The following SYT2 variants were observed in gnomAD, a reference collection of about 807,000 sequenced individuals.
SYT2 encodes synaptotagmin 2, also known as synaptotagmin-2.
Under a neutral mutation model 39.9 loss-of-function variants are expected in SYT2, and 15 were observed. That is an observed-to-expected ratio of 0.38 (90% CI 0.25 to 0.58). SYT2 has a LOEUF of 0.58. Ranked by LOEUF, SYT2 falls within the 20% of genes least tolerant of loss-of-function variation. The pLI is 0.70. For missense variants in SYT2, 389 were observed against 530.3 expected (o/e 0.73, Z 2.62); for synonymous variants, 181 against 204.5 (o/e 0.89, Z 0.98).
At chr1:202,698,544 G>A (rs1654032531) in intron 1 of SYT2, among the ~76,000 whole-genome samples, 1 of 152,146 alleles carries the variant, frequency 6.6e-6, no homozygotes, top group South Asian at 2.1e-4. Flanking sequence ...GCCTTCCTGT[G>A]AAAAGAGCAG....
At position 202,628,864 on chromosome 1, in the gene SYT2, T is replaced by C. The variant is rs1691491052; in HGVS notation, c.-17-23075A>G. Among the ~76,000 whole-genome samples the C allele has an allele frequency of 6.6e-6, 1 of 152,250 alleles. No homozygotes were observed. The highest frequency in any genetic ancestry group is 2.4e-5 in the African/African-American group (1 of 41,474). On this transcript the variant is annotated intron_variant, in intron 1 of 8. Transcript: ENST00000367268. The surrounding 1 kb of genome is among the most constrained non-coding windows in gnomAD (Gnocchi z 4.2). ...CACCTGGGCTCTGGGCAGACTGACC[T>C]GGACTGGAGTCTCGGCTCTTTTAGC...
At chr1:202,650,433 T>A (rs1484986019) in intron 1 of SYT2, among the ~76,000 whole-genome samples, 1 of 135,830 alleles carries the variant, frequency 7.4e-6, no homozygotes, top group African/African-American at 2.6e-5. Context: ...TTGTTTCATA[T>A]GCTTTTGTTT....
chr1:202,615,153 CAG>C (rs1035102967), intron 1 of SYT2, among the ~76,000 whole-genome samples: 2 of 152,120 alleles, frequency 1.3e-5, no homozygotes, highest in African/African-American at 4.8e-5. Flanking sequence ...CTTAGAGCTG[CAG>C]AGAGGGAATG....
chr1:202,668,441 T>G (rs1364653079), intron 1 of SYT2, among the ~76,000 whole-genome samples: 1 of 152,142 alleles, frequency 6.6e-6, no homozygotes, highest in Non-Finnish European at 1.5e-5. Context: ...ATTCTGTAGT[T>G]TGTTAAGAGT....
chr1:202,611,397 G>T lies in SYT2; in HGVS notation c.-17-5608C>A, dbSNP rs558730715. Among the ~76,000 whole-genome samples the T allele has an allele frequency of 8.5e-5, 13 of 152,196 alleles. No homozygotes were observed. In the East Asian group the frequency reaches 2.5e-3, roughly 29 times the overall value. On this transcript the variant is annotated intron_variant, in intron 1 of 8. Transcript: ENST00000367268. ...ATGGAGTTTCACTCTTGTTGCCCAG[G>T]CTGGAGTGCAATGGCACAATCTCAG...
intron 1 of SYT2, among the ~76,000 whole-genome samples, chr1:202,663,769 G>T (rs767664945): frequency 1.3e-5 from 2 of 152,150 alleles, no homozygotes; most frequent in Non-Finnish European, 2.9e-5. Flanking sequence ...GCTGTGGCAG[G>T]CAGGGCAGGA....
intron 1 of SYT2, among the ~76,000 whole-genome samples, chr1:202,624,806 G>T (rs1248488552): frequency 6.9e-6 from 1 of 144,478 alleles, no homozygotes; most frequent in African/African-American, 2.6e-5. Context: ...ATGTAGCATG[G>T]TGTGTGTGTG....
intron 1 of SYT2, among the ~76,000 whole-genome samples, chr1:202,638,979 G>A (rs562872573): frequency 6.6e-6 from 1 of 152,300 alleles, no homozygotes; most frequent in East Asian, 1.9e-4. Flanking sequence ...CGTGGTCTTG[G>A]AAGTAATATT....
At chr1:202,689,999 G>A (rs930072627) in intron 1 of SYT2, among the ~76,000 whole-genome samples, 1 of 152,024 alleles carries the variant, frequency 6.6e-6, no homozygotes, top group African/African-American at 2.4e-5. Context: ...AGTCCCTGCT[G>A]AATATTTCAT....
chr1:202,633,524 AAC>A (rs1468458561), intron 1 of SYT2, among the ~76,000 whole-genome samples: 2 of 152,084 alleles, frequency 1.3e-5, no homozygotes, highest in African/African-American at 4.8e-5. Context: ...CCTGGCCTTT[AAC>A]ACACTGGGTG....
rs1653877593 is a variant in SYT2, at chr1:202,693,045, A to G, written c.-18+17213T>C. 2.0e-5 allele frequency among the ~76,000 whole-genome samples: 3 copies of G among 152,200 alleles called. No individual in the cohort carries two copies. In the South Asian group the frequency reaches 6.2e-4, roughly 32 times the overall value. The stretch of plus-strand genomic sequence containing the variant: ...GAACAGATGGTGTTTGGTTACATGA[A>G]TAAGTTCTTCAGTGGTGATTACTGA... On this transcript the variant is annotated intron_variant, in intron 1 of 8. Transcript: ENST00000367268.
At chr1:202,654,656 C>G (rs1053637861) in intron 1 of SYT2, among the ~76,000 whole-genome samples, 2 of 152,212 alleles carry the variant, frequency 1.3e-5, no homozygotes, top group African/African-American at 4.8e-5. Context: ...GCCCAACACA[C>G]ACACACATCA....
chr1:202,649,144 C>T (rs533159112), intron 1 of SYT2, among the ~76,000 whole-genome samples: 9 of 152,302 alleles, frequency 5.9e-5, no homozygotes, highest in African/African-American at 2.2e-4. Flanking sequence ...GGAGCAGGGC[C>T]CAGGCATCAG....
intron 1 of SYT2, among the ~76,000 whole-genome samples, chr1:202,653,626 C>A (rs907101405): frequency 1.4e-4 from 22 of 152,262 alleles, no homozygotes; most frequent in African/African-American, 5.1e-4. Context: ...ATCTCCAAGC[C>A]CACTCCCCAC....
At chr1:202,707,716 C>T (rs751320442) in intron 1 of SYT2, among the ~76,000 whole-genome samples, 3 of 152,198 alleles carry the variant, frequency 2.0e-5, no homozygotes, top group Non-Finnish European at 4.4e-5. Flanking sequence ...CCTGAGAGGG[C>T]GGCACAGGCC....
At chr1:202,667,469 G>A (rs1207095417) in intron 1 of SYT2, among the ~76,000 whole-genome samples, 26 of 5,156 alleles carry the variant, frequency 5.0e-3, no homozygotes, top group Middle Eastern at 0.12. Flanking sequence ...GACCAGCCGT[G>A]TGTGTGTGTG....
intron 1 of SYT2, among the ~76,000 whole-genome samples, chr1:202,665,889 C>T (rs1692473129): frequency 6.6e-6 from 1 of 152,194 alleles, no homozygotes; most frequent in Non-Finnish European, 1.5e-5. Flanking sequence ...CGCTGTGGCT[C>T]ACACCTGTAA....
At position 202,603,136 on chromosome 1, in the gene SYT2, G is replaced by A. The variant is rs1690576905; in HGVS notation, c.346-18C>T. 4 of 1,613,940 alleles carry A rather than the reference G, an allele frequency of 2.5e-6. No homozygotes were observed. The highest frequency in any genetic ancestry group is 3.4e-6 in the Non-Finnish European group (4 of 1,179,932). ...TCGTCATCCTGTGGGAGCTGGGGGA[G>A]AGAGGGAACAAGTTAAAAGGGGAGG... On this transcript the variant is annotated intron_variant, in intron 3 of 8. Transcript: ENST00000367268.
At chr1:202,604,214 A>G in intron 3 of SYT2, 2 of 477,236 alleles carry the variant, frequency 4.2e-6, no homozygotes, top group Admixed American at 3.7e-5. Flanking sequence ...GGGAGTCAAT[A>G]TATTGTTCTC....
Sources: gnomAD v4.1 joint callset for allele counts (sites outside exome capture counted in the v4.1 genomes callset) on GRCh38, gnomAD v4.1.1 for gene constraint, Gnocchi (gnomAD v3.1) non-coding constraint, MANE v1.5 for transcripts, NCBI Gene and HGNC (gene_info 2026-07-23, HGNC 2026-07-21) for gene names.